ANGPT1: variants seen among roughly 807,000 people sequenced by gnomAD.
The protein encoded by ANGPT1 is angiopoietin 1.
In ANGPT1, 17 loss-of-function variants were observed where a neutral mutation model predicts 62.2. The ratio of observed to expected loss-of-function variants is 0.27; its 90% CI spans 0.19 to 0.41. The LOEUF is 0.41. Ranked by LOEUF, ANGPT1 falls within the 10% of genes least tolerant of loss-of-function variation. The pLI is 1.00. For missense variants in ANGPT1, 478 were observed against 594.9 expected (o/e 0.80, Z 2.04); for synonymous variants, 199 against 198.9 (o/e 1.00, Z 0.00).
intron 1 of ANGPT1, among the ~76,000 whole-genome samples, chr8:107,389,386 T>G (rs1167641301): frequency 1.3e-5 from 2 of 152,086 alleles, no homozygotes; most frequent in Non-Finnish European, 2.9e-5. Flanking sequence ...TATCCAAAGT[T>G]AGATTAGCCT....
intron 1 of ANGPT1, among the ~76,000 whole-genome samples, chr8:107,361,263 G>C (rs1001973175): frequency 2.6e-5 from 4 of 151,526 alleles, no homozygotes; most frequent in Admixed American, 6.6e-5. Context: ...ATTTTTCTTT[G>C]GGAAATAGTG....
At chr8:107,456,745 T>C (rs1811929614) in intron 1 of ANGPT1, among the ~76,000 whole-genome samples, 1 of 152,102 alleles carries the variant, frequency 6.6e-6, no homozygotes, top group South Asian at 2.1e-4. Context: ...GTAAAATGTA[T>C]TATTTTAAAA....
chr8:107,487,224 G>C (rs1812836953), intron 1 of ANGPT1, among the ~76,000 whole-genome samples: 1 of 152,060 alleles, frequency 6.6e-6, no homozygotes, highest in Non-Finnish European at 1.5e-5. Flanking sequence ...GAGGATCACA[G>C]GAGACTTTAT....
chr8:107,314,476 T>C (rs1814967199), intron 4 of ANGPT1, among the ~76,000 whole-genome samples: 1 of 147,878 alleles, frequency 6.8e-6, no homozygotes, highest in Non-Finnish European at 1.5e-5. Context: ...TATTCACAAT[T>C]TTTTTTACAG....
chr8:107,442,651 T>G (rs536150452), intron 1 of ANGPT1, among the ~76,000 whole-genome samples: 1 of 152,320 alleles, frequency 6.6e-6, no homozygotes, highest in African/African-American at 2.4e-5. Context: ...ACTCCGTATC[T>G]TCTACCTTCC....
intron 3 of ANGPT1, among the ~76,000 whole-genome samples, chr8:107,328,534 AAAT>A (rs1317237850): frequency 6.6e-6 from 1 of 152,016 alleles, no homozygotes; most frequent in African/African-American, 2.4e-5. Context: ...GTTGGACAAT[AAAT>A]AATAAACTAG....
chr8:107,450,409 T>G (rs1308810795), intron 1 of ANGPT1, among the ~76,000 whole-genome samples: 1 of 151,936 alleles, frequency 6.6e-6, no homozygotes, highest in African/African-American at 2.4e-5. Flanking sequence ...GGTGATTTCT[T>G]GACGCAGCAA....
chr8:107,359,198 G>T (rs908401748), intron 1 of ANGPT1, among the ~76,000 whole-genome samples: 2 of 151,962 alleles, frequency 1.3e-5, no homozygotes, highest in Non-Finnish European at 2.9e-5. Flanking sequence ...ATATCCCAAC[G>T]CCTGACTTAC....
chr8:107,316,431 G>T (rs1027293062), intron 4 of ANGPT1, among the ~76,000 whole-genome samples: 1 of 152,104 alleles, frequency 6.6e-6, no homozygotes, highest in African/African-American at 2.4e-5. Flanking sequence ...GTTGGTAATA[G>T]AACCTATCAT....
intron 1 of ANGPT1, among the ~76,000 whole-genome samples, chr8:107,458,999 A>G (rs1459752970): frequency 6.6e-6 from 1 of 152,110 alleles, no homozygotes; most frequent in Non-Finnish European, 1.5e-5. Flanking sequence ...TTGTGACGCC[A>G]TCTTAAGACA....
rs897965330 is a variant in ANGPT1 at position 107,249,981 on chromosome 8, T to C, written c.*1874A>G. The C allele has an allele frequency of 6.6e-6, 1 of 152,316 alleles. No individual in the cohort carries two copies. The highest frequency in any genetic ancestry group is 1.5e-5 in the Non-Finnish European group (1 of 67,946). 9.4% of individuals were successfully genotyped at this position (152,316 alleles called of 1,614,324 possible). ...AGAAAAATGGTATAATACCTGCAAA[T>C]ATCACTTGTAAGGCAAAAAGGGGTA... On this transcript the variant is annotated 3_prime_UTR_variant, in exon 9 of 9. Transcript: ENST00000517746.
At chr8:107,351,720 A>G (rs1322473347) in intron 1 of ANGPT1, among the ~76,000 whole-genome samples, 1 of 152,016 alleles carries the variant, frequency 6.6e-6, no homozygotes, top group Non-Finnish European at 1.5e-5. Context: ...TGGAAAGTTT[A>G]TTTGCCAGTA....
At chr8:107,489,431 A>G (rs115672563) in intron 1 of ANGPT1, among the ~76,000 whole-genome samples, 164 of 152,280 alleles carry the variant, frequency 1.1e-3, no homozygotes, top group African/African-American at 3.8e-3. Context: ...ATCTTACTCT[A>G]TATTTTTCAG....
intron 6 of ANGPT1, among the ~76,000 whole-genome samples, chr8:107,291,849 A>T (rs1814283999): frequency 7.4e-6 from 1 of 134,606 alleles, no homozygotes; most frequent in South Asian, 2.6e-4. Context: ...TCTCCATACC[A>T]ATCCCAAAAG....
chr8:107,260,784 T>C (rs1813472722), intron 8 of ANGPT1, among the ~76,000 whole-genome samples: 1 of 152,204 alleles, frequency 6.6e-6, no homozygotes, highest in Non-Finnish European at 1.5e-5. Context: ...GCCCAAGCAA[T>C]AAGTGGAAAT....
intron 7 of ANGPT1, among the ~76,000 whole-genome samples, chr8:107,267,582 C>G (rs542652520): frequency 6.6e-6 from 1 of 152,046 alleles, no homozygotes; most frequent in African/African-American, 2.4e-5. Flanking sequence ...AACTAGTCTC[C>G]CTGCCTTGAG....
intron 1 of ANGPT1, among the ~76,000 whole-genome samples, chr8:107,439,881 G>A (rs1330874941): frequency 2.0e-5 from 3 of 152,114 alleles, no homozygotes; most frequent in Non-Finnish European, 4.4e-5. Flanking sequence ...AAATTCAGAA[G>A]TAGAGGAAGA....
chr8:107,393,393 G>A (rs963458172), intron 1 of ANGPT1, among the ~76,000 whole-genome samples: 2 of 152,072 alleles, frequency 1.3e-5, no homozygotes, highest in Non-Finnish European at 2.9e-5. Flanking sequence ...CATTACATTT[G>A]TTGGAGCTCA....
At chr8:107,289,100 A>C (rs1215837910) in intron 6 of ANGPT1, among the ~76,000 whole-genome samples, 1 of 152,170 alleles carries the variant, frequency 6.6e-6, no homozygotes, top group Non-Finnish European at 1.5e-5. Flanking sequence ...AAACACAATC[A>C]CCTGAAAGGT....
Sources: gnomAD v4.1 joint callset for allele counts (sites outside exome capture counted in the v4.1 genomes callset) on GRCh38, gnomAD v4.1.1 for gene constraint, MANE v1.5 for transcripts, NCBI Gene and HGNC (gene_info 2026-07-23, HGNC 2026-07-21) for gene names.